The following RSF1 variants were observed in gnomAD, a reference collection of about 807,000 sequenced individuals.
The protein encoded by RSF1 is HBV pX-associated protein 8.
RSF1 carries 13 observed loss-of-function variants against 145.2 expected under a neutral mutation model. The observed-to-expected ratio is 0.09, with a 90% CI of 0.06 to 0.14. RSF1 has a LOEUF of 0.14. Among genes scored for constraint, RSF1 ranks in the 10% least tolerant of loss-of-function variants. The probability of loss-of-function intolerance (pLI) is 1.00; values close to 1 mark genes in which losing one functional copy is unlikely to be tolerated. For synonymous variants in RSF1, 577 were observed against 592.6 expected (o/e 0.97, Z 0.38); for missense variants, 1,517 against 1,718.2 (o/e 0.88, Z 2.07).
rs558639602 is a variant in RSF1 at position 77,689,912 on chromosome 11, C to T, written c.2900+1247G>A. 1.7e-3 allele frequency among the ~76,000 whole-genome samples: 253 copies of T among 152,212 alleles called. 4 individuals carry two copies. Among genetic ancestry groups the T allele is most frequent in the African/African-American group, 5.5e-3 (227 of 41,530 alleles). ...GGCACAGTGGCTCACGCCTGTAATC[C>T]CAGCTCTTTGGAAGGCCGAGGCGGG... On this transcript the variant is annotated intron_variant, in intron 9 of 15. Transcript: ENST00000308488.
At chr11:77,696,246 C>G (rs981045399) in intron 7 of RSF1, among the ~76,000 whole-genome samples, 1 of 152,170 alleles carries the variant, frequency 6.6e-6, no homozygotes, top group Non-Finnish European at 1.5e-5. Context: ...AAGGCAAAGT[C>G]TCACTAAATA....
At chr11:77,706,033 A>G (rs1423265533) in intron 5 of RSF1, among the ~76,000 whole-genome samples, 2 of 152,068 alleles carry the variant, frequency 1.3e-5, no homozygotes, top group South Asian at 2.1e-4. Context: ...TGGGAGGCTA[A>G]GGTGGGCAGA....
the RSF1 span, among the ~76,000 whole-genome samples, chr11:77,842,799 T>G: frequency 3.3e-5 from 5 of 152,228 alleles, no homozygotes; most frequent in Admixed American, 1.3e-4. Context: ...ACTTCTTACA[T>G]TCAATGCCCC....
At chr11:77,720,997 T>C (rs553946674) in intron 5 of RSF1, among the ~76,000 whole-genome samples, 35 of 152,338 alleles carry the variant, frequency 2.3e-4, no homozygotes, top group African/African-American at 6.7e-4. Flanking sequence ...TTACAGTTAA[T>C]ACGTTTCTCC....
intron 4 of RSF1, among the ~76,000 whole-genome samples, chr11:77,736,508 T>A (rs1442995038): frequency 1.3e-5 from 2 of 152,238 alleles, no homozygotes; most frequent in Admixed American, 6.5e-5. Flanking sequence ...AAATATATAT[T>A]AGTGACAACT....
chr11:77,768,311 C>T (rs776383560), intron 1 of RSF1, among the ~76,000 whole-genome samples: 5 of 151,648 alleles, frequency 3.3e-5, no homozygotes, highest in South Asian at 2.1e-4. Context: ...TACAGGCGTG[C>T]GCCACCACGC....
In RSF1 at chr11:77,741,518, T is replaced by A. The variant is rs79661215; in HGVS notation, c.373-582A>T. 3.8e-3 allele frequency among the ~76,000 whole-genome samples: 574 copies of A among 151,972 alleles called. 24 individuals are homozygous for A. In the East Asian group the frequency reaches 0.097, roughly 26 times the overall value. ...TGGCTTGGGCAACAGAGCAAGACCC[T>A]GTCTCAAAAAAAAATTTCTATTAAA... is the stretch of plus-strand genomic sequence containing the variant. On this transcript the variant is annotated intron_variant, in intron 3 of 15. Transcript: ENST00000308488.
chr11:77,805,725 A>C (rs2135982404), intron 1 of RSF1, among the ~76,000 whole-genome samples: 1 of 152,376 alleles, frequency 6.6e-6, no homozygotes, highest in African/African-American at 2.4e-5. Context: ...TGTTTATTCA[A>C]GTAAGCTTTT....
At chr11:77,784,543 T>C (rs1948435649) in intron 1 of RSF1, among the ~76,000 whole-genome samples, 1 of 152,182 alleles carries the variant, frequency 6.6e-6, no homozygotes, top group Non-Finnish European at 1.5e-5. Flanking sequence ...ATTTGAGCCA[T>C]ATTGAGTAAA....
rs187005642 is a variant in RSF1 at position 77,716,707 on chromosome 11, C to A, written c.733+8838G>T. Among the ~76,000 whole-genome samples, 11 of 152,274 alleles carry A rather than the reference C, an allele frequency of 7.2e-5. No homozygotes were observed. The East Asian group carries it at 2.1e-3, about 29-fold the overall frequency. ...CTGTACAACATGGTGACTACAGTTA[C>A]AACAACGTACTGTATACCTGAAAAT... On this transcript the variant is annotated intron_variant, in intron 5 of 15. Transcript: ENST00000308488.
At chr11:77,714,877 G>T (rs1960769988) in intron 5 of RSF1, among the ~76,000 whole-genome samples, 1 of 151,952 alleles carries the variant, frequency 6.6e-6, no homozygotes, top group Non-Finnish European at 1.5e-5. Context: ...TAATCCCACT[G>T]CTTTAGAAGG....
chr11:77,683,556 G>GA (rs1044965471), intron 11 of RSF1, among the ~76,000 whole-genome samples, 154 bp downstream of exon 11: 5 of 147,570 alleles, frequency 3.4e-5, no homozygotes, highest in African/African-American at 1.2e-4. Flanking sequence ...AAAGAAAAAG[G>GA]AAAAAAAAAA....
intron 5 of RSF1, among the ~76,000 whole-genome samples, chr11:77,704,854 G>A (rs1203104557): frequency 2.0e-5 from 3 of 150,582 alleles, no homozygotes; most frequent in Non-Finnish European, 4.4e-5. Flanking sequence ...CTGGGTTCAA[G>A]CGATTCTCTT....
intron 5 of RSF1, among the ~76,000 whole-genome samples, chr11:77,707,754 A>C (rs1565155521): frequency 6.6e-6 from 1 of 152,242 alleles, no homozygotes; most frequent in Non-Finnish European, 1.5e-5. Flanking sequence ...CTATTCAATA[A>C]ATATTTACTG....
chr11:77,712,517 G>T (rs978385691), intron 5 of RSF1, among the ~76,000 whole-genome samples: 1 of 152,100 alleles, frequency 6.6e-6, no homozygotes, highest in Non-Finnish European at 1.5e-5. Flanking sequence ...TTATTTCACC[G>T]TAAAATTACC....
chr11:77,790,293 T>C (rs1238197603), intron 1 of RSF1, among the ~76,000 whole-genome samples: 1 of 152,076 alleles, frequency 6.6e-6, no homozygotes, highest in Non-Finnish European at 1.5e-5. Flanking sequence ...AAACTACCCC[T>C]TAAAATAACT....
the RSF1 span, among the ~76,000 whole-genome samples, chr11:77,837,073 T>C: frequency 6.6e-6 from 1 of 152,258 alleles, no homozygotes; most frequent in Non-Finnish European, 1.5e-5. Flanking sequence ...CTTCCTTCCA[T>C]AGCACCCATA....
At chr11:77,683,470 G>C (rs1294080739) in intron 11 of RSF1, among the ~76,000 whole-genome samples, 1 of 151,762 alleles carries the variant, frequency 6.6e-6, no homozygotes, top group Non-Finnish European at 1.5e-5. Flanking sequence ...TTGGGAGGCT[G>C]AGGAGGGCAA....
intron 4 of RSF1, among the ~76,000 whole-genome samples, chr11:77,730,607 T>C (rs1961181957): frequency 6.6e-6 from 1 of 152,240 alleles, no homozygotes. Context: ...AGTTTGGCTG[T>C]GTCTCCACCC....
Sources: gnomAD v4.1 joint callset for allele counts (sites outside exome capture counted in the v4.1 genomes callset) on GRCh38, gnomAD v4.1.1 for gene constraint, MANE v1.5 for transcripts, NCBI Gene and HGNC (gene_info 2026-07-23, HGNC 2026-07-21) for gene names.